The following SH3GL2 variants were observed in gnomAD, a reference collection of about 807,000 sequenced individuals.
SH3GL2 encodes SH3 domain containing GRB2 like 2, endophilin A1.
Under a neutral mutation model 46.0 loss-of-function variants are expected in SH3GL2, and 24 were observed. The ratio of observed to expected loss-of-function variants is 0.52; its 90% CI spans 0.38 to 0.73. The LOEUF is 0.73. Ranked by LOEUF, SH3GL2 falls within the 30% of genes least tolerant of loss-of-function variation. SH3GL2 has a pLI of 0.00. For synonymous variants in SH3GL2, 196 were observed against 147.1 expected (o/e 1.33, Z -2.40); for missense variants, 413 against 424.2 (o/e 0.97, Z 0.23).
At chr9:17,771,752 G>T (rs1347356377) in intron 3 of SH3GL2, among the ~76,000 whole-genome samples, 2 of 152,150 alleles carry the variant, frequency 1.3e-5, no homozygotes, top group African/African-American at 4.8e-5. Context: ...GTGTACTACA[G>T]CACAGGGTCT....
At chr9:17,725,261 C>G (rs972401173) in intron 1 of SH3GL2, among the ~76,000 whole-genome samples, 1 of 152,044 alleles carries the variant, frequency 6.6e-6, no homozygotes, top group Non-Finnish European at 1.5e-5. Context: ...TCGATTTACT[C>G]CTGAGTAGAA....
chr9:17,738,023 C>G (rs111888984), intron 1 of SH3GL2, among the ~76,000 whole-genome samples: 16 of 152,176 alleles, frequency 1.1e-4, no homozygotes, highest in Middle Eastern at 3.4e-3. Context: ...TGAGGGTATT[C>G]TGTACTTTGG....
intron 1 of SH3GL2, among the ~76,000 whole-genome samples, chr9:17,681,357 G>C (rs1309692851): frequency 6.6e-6 from 1 of 151,970 alleles, no homozygotes; most frequent in Non-Finnish European, 1.5e-5. Context: ...CTTTTTCTTT[G>C]TTGTCATTGT....
At chr9:17,783,507 A>T (rs1448143448) in intron 3 of SH3GL2, among the ~76,000 whole-genome samples, 2 of 151,910 alleles carry the variant, frequency 1.3e-5, no homozygotes, top group Admixed American at 1.3e-4. Context: ...CAGAGCTTAG[A>T]TCTCCCTTTG....
At chr9:17,609,070 G>A (rs1239144828) in intron 1 of SH3GL2, among the ~76,000 whole-genome samples, 1 of 152,168 alleles carries the variant, frequency 6.6e-6, no homozygotes, top group African/African-American at 2.4e-5. Flanking sequence ...ATGAAGGCAT[G>A]GTCCTGGCTC....
chr9:17,786,409 C>T lies in SH3GL2; in HGVS notation c.216C>T (p.Asn72=), dbSNP rs1336530869. ...PASRAKLSMI[N]TMSKIRGQEK... ...CCAGAGCTAAGCTCAGCATGATCAA[C>T]ACCATGTCAAAAATCCGTGGCCAGG... Residue 72 remains asparagine (N), a synonymous_variant, in exon 4 of 9, where the codon AAC becomes AAT. Transcript: ENST00000380607. The T allele has an allele frequency of 6.2e-7, 1 of 1,613,314 alleles. No individual in the cohort carries two copies. Among genetic ancestry groups the T allele is most frequent in the Non-Finnish European group, 8.5e-7 (1 of 1,179,586 alleles).
chr9:17,753,746 G>T (rs1358588315), intron 2 of SH3GL2, among the ~76,000 whole-genome samples: 1 of 152,144 alleles, frequency 6.6e-6, no homozygotes, highest in South Asian at 2.1e-4. Flanking sequence ...TGAAATTTTT[G>T]CCCATGCCTA....
intron 1 of SH3GL2, among the ~76,000 whole-genome samples, chr9:17,600,830 C>A (rs906012293): frequency 3.0e-4 from 46 of 152,178 alleles, no homozygotes; most frequent in African/African-American, 1.0e-3. Flanking sequence ...TGTTGGAAGA[C>A]AGAGCAGAGG....
At chr9:17,616,407 A>G (rs1818999287) in intron 1 of SH3GL2, among the ~76,000 whole-genome samples, 1 of 152,186 alleles carries the variant, frequency 6.6e-6, no homozygotes. Context: ...TGGTGCTTAA[A>G]AAAATTAAAA....
chr9:17,795,913 A>T lies in SH3GL2; in HGVS notation c.*170A>T. On this transcript the variant is annotated 3_prime_UTR_variant, in exon 9 of 9. Coordinates refer to ENST00000380607, the MANE Select transcript of SH3GL2 (RefSeq NM_003026.5). ...GTGGGCTCCCACAGGAGTCATGGTGATGGATGATATCCTCTTAGCCTGGTG... is the reference window on the plus strand; with the variant it reads ...GTGGGCTCCCACAGGAGTCATGGTGTTGGATGATATCCTCTTAGCCTGGTG... 5.0e-6 allele frequency: 3 copies of T among 604,406 alleles called. No individual in the cohort carries two copies. Among genetic ancestry groups the T allele is most frequent in the Admixed American group, 2.9e-5 (1 of 34,238 alleles). The allele number at this position is 604,406 out of a possible 1,614,324, so 37.4% of individuals were successfully genotyped here.
intron 1 of SH3GL2, among the ~76,000 whole-genome samples, chr9:17,741,418 G>A (rs1005884200): frequency 1.3e-5 from 2 of 152,148 alleles, no homozygotes; most frequent in African/African-American, 2.4e-5. Flanking sequence ...AATGAAAGTT[G>A]TATAGTGGAT....
In SH3GL2 at chr9:17,747,142, T is replaced by A. The variant is rs1421596079; in HGVS notation, c.114+8T>A. Reference sequence around the variant, plus strand: ...TTCAAAGAGATGGAAAGGGTAAGCCTTCACTACTGCCTAGTGTTCCCTTTG... The same window carrying A: ...TTCAAAGAGATGGAAAGGGTAAGCCATCACTACTGCCTAGTGTTCCCTTTG... On this transcript the variant is annotated splice_region_variant and intron_variant, in intron 2 of 8. Coordinates refer to ENST00000380607, the MANE Select transcript of SH3GL2 (RefSeq NM_003026.5). The A allele has an allele frequency of 2.5e-6, 4 of 1,575,560 alleles. No individual in the cohort carries two copies. Among genetic ancestry groups the A allele is most frequent in the Non-Finnish European group, 3.5e-6 (4 of 1,146,386 alleles).
chr9:17,585,611 G>C (rs1464626105), intron 1 of SH3GL2, among the ~76,000 whole-genome samples: 1 of 152,206 alleles, frequency 6.6e-6, no homozygotes, highest in African/African-American at 2.4e-5. Flanking sequence ...CAGCTAAGCA[G>C]GTGGGAAACA....
intron 1 of SH3GL2, among the ~76,000 whole-genome samples, chr9:17,593,960 G>A (rs1208439003): frequency 6.6e-6 from 1 of 152,134 alleles, no homozygotes; most frequent in Non-Finnish European, 1.5e-5. Context: ...CATTTTCTCA[G>A]TTGCACAGCT....
In SH3GL2 at chr9:17,665,642, A is replaced by T. The variant is rs527419063; in HGVS notation, c.46-81424A>T. ...AGTAAGAGCCCCGTCAGCTTAAAGA[A>T]TGATGTCATCATCGTTCTTTACATC... On this transcript the variant is annotated intron_variant, in intron 1 of 8. Transcript: ENST00000380607. 4.1e-4 allele frequency among the ~76,000 whole-genome samples: 63 copies of T among 152,110 alleles called. 1 individual carries two copies. In the South Asian group the frequency reaches 8.9e-3, roughly 22 times the overall value.
chr9:17,745,523 TA>T (rs1223722993), intron 1 of SH3GL2, among the ~76,000 whole-genome samples: 1 of 152,174 alleles, frequency 6.6e-6, no homozygotes, highest in Non-Finnish European at 1.5e-5. Flanking sequence ...ATATTTCTCC[TA>T]TTTCTACTGA....
chr9:17,733,718 T>C (rs201145873), intron 1 of SH3GL2, among the ~76,000 whole-genome samples: 8 of 151,940 alleles, frequency 5.3e-5, no homozygotes, highest in Non-Finnish European at 1.0e-4. Context: ...TTGGAACCAA[T>C]CCAAATGTCC....
chr9:17,757,782 G>A (rs146181988), intron 2 of SH3GL2, among the ~76,000 whole-genome samples: 81 of 152,288 alleles, frequency 5.3e-4, no homozygotes, highest in Middle Eastern at 3.4e-3. Context: ...AGTTACTTAA[G>A]TGGAAATCTT....
chr9:17,749,824 CCTTCCT>C (rs1822793690), intron 2 of SH3GL2, among the ~76,000 whole-genome samples: 1 of 152,142 alleles, frequency 6.6e-6, no homozygotes, highest in South Asian at 2.1e-4. Context: ...TACCAACAGA[CCTTCCT>C]CTGAGTATGA....
Sources: allele counts gnomAD v4.1 joint callset (sites outside exome capture counted in the v4.1 genomes callset), GRCh38; gene constraint gnomAD v4.1.1; transcripts MANE v1.5; gene names NCBI Gene and HGNC (gene_info 2026-07-23, HGNC 2026-07-21).